The following CAPN3 variants were observed in gnomAD, a reference collection of about 807,000 sequenced individuals.
The protein encoded by CAPN3 is calpain-3.
A neutral mutation model predicts 114.0 loss-of-function variants in CAPN3; 88 were observed. The observed-to-expected ratio is 0.77, with a 90% CI of 0.65 to 0.92. CAPN3 has a LOEUF of 0.92. Among genes scored for constraint, CAPN3 ranks in the 40% least tolerant of loss-of-function variants. The pLI, the probability that CAPN3 is intolerant of heterozygous loss-of-function variation, is 0.00. For synonymous variants in CAPN3, 386 were observed against 382.9 expected (o/e 1.01, Z -0.09); for missense variants, 1,028 against 1,069.0 (o/e 0.96, Z 0.53).
At chr15:42,401,598 TGA>T in intron 10 of CAPN3, 41 bp from the exon 11 acceptor site, 2 of 1,590,716 alleles carry the variant, frequency 1.3e-6, no homozygotes, top group Non-Finnish European at 1.7e-6. Context: ...TCCTGCCCTC[TGA>T]GAGGCAGCTG....
intron 6 of CAPN3, among the ~76,000 whole-genome samples, chr15:42,390,790 GTTTTTTTTT>G (rs373599109): frequency 3.1e-4 from 34 of 110,318 alleles, no homozygotes; most frequent in South Asian, 9.4e-4. Flanking sequence ...TTGTTTTTTT[GTTTTTTTTT>G]TTTTTTTTGG....
Position 42,390,009 on chromosome 15 carries a change from G to A in CAPN3, c.858G>A (p.Leu286=). 1 of 1,614,096 alleles carries A rather than the reference G, an allele frequency of 6.2e-7. No homozygotes were observed. Residue 286 remains leucine (L), a synonymous_variant, in exon 6 of 24, where the codon TTG becomes TTA. Transcript: ENST00000397163. ...CTTCTGGTCTGAACATGGGGGAGTTGATTGCACGGATGGTAAGGAATATGG... is the reference window on the plus strand; with the variant it reads ...CTTCTGGTCTGAACATGGGGGAGTTAATTGCACGGATGGTAAGGAATATGG... ...TSPSGLNMGE[L]IARMVRNMDN...
At chr15:42,409,693 A>T in intron 17 of CAPN3, 94 bp from the exon 18 acceptor site, 1 of 1,159,778 alleles carries the variant, frequency 8.6e-7, no homozygotes, top group Non-Finnish European at 1.3e-6. Context: ...CAGGGATTTT[A>T]CAAACACAGC....
chr15:42,379,944 C>T (rs2053192499), intron 1 of CAPN3, among the ~76,000 whole-genome samples: 1 of 152,112 alleles, frequency 6.6e-6, no homozygotes, highest in Admixed American at 6.5e-5. Flanking sequence ...TGGTGAAACC[C>T]CATCTCTACT....
intron 1 of CAPN3, among the ~76,000 whole-genome samples, chr15:42,366,261 C>A (rs945028226): frequency 3.9e-5 from 6 of 152,188 alleles, no homozygotes; most frequent in Admixed American, 3.9e-4. Context: ...CCATCCCCAA[C>A]CTATTCCTTT....
At chr15:42,401,838 A>G in intron 11 of CAPN3, 28 bp downstream of exon 11, 1 of 1,603,746 alleles carries the variant, frequency 6.2e-7, no homozygotes, top group South Asian at 1.1e-5. Context: ...GCTCCAGCCC[A>G]GGAAACATAC....
chr15:42,407,669 C>T (rs1355314886), intron 15 of CAPN3, among the ~76,000 whole-genome samples: 1 of 152,158 alleles, frequency 6.6e-6, no homozygotes, highest in South Asian at 2.1e-4. Flanking sequence ...GCTGGGATTC[C>T]AGCCCAGTGT....
intron 4 of CAPN3, among the ~76,000 whole-genome samples, chr15:42,388,126 A>G (rs1294944912): frequency 6.6e-6 from 1 of 152,218 alleles, no homozygotes; most frequent in East Asian, 1.9e-4. Context: ...GCTTTAGCTT[A>G]CCATAGCGAG....
intron 1 of CAPN3, among the ~76,000 whole-genome samples, chr15:42,374,787 C>T (rs1219505389): frequency 4.9e-5 from 7 of 142,070 alleles, no homozygotes; most frequent in African/African-American, 1.8e-4. Context: ...AATCGAATAT[C>T]ATGTCTCTTT....
chr15:42,373,971 AT>A (rs1259745592), intron 1 of CAPN3, among the ~76,000 whole-genome samples: 1 of 152,116 alleles, frequency 6.6e-6, no homozygotes, highest in African/African-American at 2.4e-5. Context: ...CTATAGTAAT[AT>A]TTTCTTTTTA....
At chr15:42,409,016 G>C (rs1039960243) in intron 16 of CAPN3, 1 of 487,946 alleles carries the variant, frequency 2.0e-6, no homozygotes, top group African/African-American at 2.0e-5. Flanking sequence ...TCAGGCCTGG[G>C]ATGGTGGAGG....
In CAPN3 at chr15:42,408,248, A is replaced by G. The variant is rs766012071; in HGVS notation, c.1838A>G (p.Lys613Arg). The G allele has an allele frequency of 6.8e-6, 11 of 1,613,718 alleles. No individual in the cohort carries two copies. In the African/African-American group the frequency reaches 1.3e-4, roughly 20 times the overall value. The part of the protein sequence containing the change: ...IFVSDRANSN[K>R]ELGVDQESEE... ...GTTTCGGACAGAGCAAACAGCAACAAGGAGCTGGGTGTGGACCAGGAGTCA... is the reference window on the plus strand; with the variant it reads ...GTTTCGGACAGAGCAAACAGCAACAGGGAGCTGGGTGTGGACCAGGAGTCA... The change falls in exon 16 of 24, where the codon AAG (lysine) becomes AGG (arginine). Residue 613 changes from lysine to arginine, a missense_variant. Transcript: ENST00000397163.
At chr15:42,409,871 G>A in intron 18 of CAPN3, 27 bp downstream of exon 18, 2 of 1,120,180 alleles carry the variant, frequency 1.8e-6, no homozygotes, top group Non-Finnish European at 1.3e-6. Context: ...AAATGGGGGT[G>A]GGGTGGGTGG....
At position 42,409,304 on chromosome 15, in the gene CAPN3, C is replaced by T. The variant is rs931966108; in HGVS notation, c.1916C>T (p.Pro639Leu). 6.2e-7 allele frequency: 1 copy of T among 1,614,032 alleles called. No homozygotes were observed. The highest frequency in any genetic ancestry group is 8.5e-7 in the Non-Finnish European group (1 of 1,180,012). The change falls in exon 17 of 24, where the codon CCA becomes CTA. Residue 639 changes from proline to leucine, a missense_variant and splice_region_variant. Physicochemically the swap from Pro to Leu is moderately conservative, Grantham distance 98. Transcript: ENST00000397163. ...SPDKQKQSPQ[P>L]QPGSSDQESE... ...CAGTTTTCCTTTGTGCCTCCACAGC[C>T]ACAGCCTGGCAGCTCTGATCAGGAA...
chr15:42,366,296 GCTGT>G (rs1443985269), intron 1 of CAPN3, among the ~76,000 whole-genome samples: 2 of 152,086 alleles, frequency 1.3e-5, no homozygotes. Flanking sequence ...TTTCTTCCGT[GCTGT>G]CTATCGACAT....
At chr15:42,392,368 C>CT (rs1272598330) in intron 6 of CAPN3, among the ~76,000 whole-genome samples, 2 of 152,102 alleles carry the variant, frequency 1.3e-5, no homozygotes, top group Non-Finnish European at 2.9e-5. Flanking sequence ...GGGCAGGACA[C>CT]TGTTACCCAC....
chr15:42,381,532 G>A (rs771423527), intron 1 of CAPN3, among the ~76,000 whole-genome samples: 1 of 151,978 alleles, frequency 6.6e-6, no homozygotes, highest in Non-Finnish European at 1.5e-5. Flanking sequence ...TAATCATCAG[G>A]TACTTTGTTG....
intron 23 of CAPN3, 115 bp from the exon 24 acceptor site, chr15:42,411,632 G>C (rs2054241085): frequency 1.3e-6 from 1 of 782,188 alleles, no homozygotes; most frequent in South Asian, 1.4e-5. Flanking sequence ...AAATCTTCTG[G>C]GGGTCTGACC....
Position 42,410,304 on chromosome 15 carries a change from T to G in CAPN3, c.2116-124T>G, listed in dbSNP as rs1053182665. 68 of 903,628 alleles carry G rather than the reference T, an allele frequency of 7.5e-5. No homozygotes were observed. The African/African-American group carries it at 1.1e-3, about 14-fold the overall frequency. The allele number at this position is 903,628 out of a possible 1,614,324, so 56.0% of individuals were successfully genotyped here. A position where few individuals can be genotyped will look rare whatever the true frequency, so the allele number is the denominator to read the frequency against. On this transcript the variant is annotated intron_variant, in intron 19 of 23. Transcript: ENST00000397163. ...GCGCAATCTCTGACTGGTGGTGGAGTGGAGGGGAGGGTTAAATAGTACAAC... is the reference window on the plus strand; with the variant it reads ...GCGCAATCTCTGACTGGTGGTGGAGGGGAGGGGAGGGTTAAATAGTACAAC...
Sources: allele counts gnomAD v4.1 joint callset (sites outside exome capture counted in the v4.1 genomes callset), GRCh38; gene constraint gnomAD v4.1.1; transcripts MANE v1.5; gene names NCBI Gene and HGNC (gene_info 2026-07-23, HGNC 2026-07-21).